HS6ST2: variants seen among roughly 807,000 people sequenced by gnomAD.
HS6ST2 encodes the protein heparan-sulfate 6-O-sulfotransferase 2.
Under a neutral mutation model 33.0 loss-of-function variants are expected in HS6ST2, and 17 were observed. That is an observed-to-expected ratio of 0.52 (90% CI 0.35 to 0.77). The LOEUF is 0.77. Among genes scored for constraint, HS6ST2 ranks in the 30% least tolerant of loss-of-function variants. The pLI is 0.01. For synonymous variants in HS6ST2, 248 were observed against 237.1 expected (o/e 1.05, Z -0.42); for missense variants, 519 against 551.7 (o/e 0.94, Z 0.59).
rs769395426 is a variant in HS6ST2, at chrX:132,715,765, G to A, written c.948-7271C>T. Among the ~76,000 whole-genome samples, 25 of 112,488 alleles carry A rather than the reference G, an allele frequency of 2.2e-4. 1 individual carries two copies. The highest frequency in any genetic ancestry group is 4.5e-4 in the Non-Finnish European group (24 of 53,292). ...CAGAGCAAGGGCTGCAAAAGATGGG[G>A]AAAACAACCATAAAAGACCCCAAGG... On this transcript the variant is annotated intron_variant, in intron 2 of 4. Coordinates refer to ENST00000370833, the MANE Select transcript of HS6ST2 (RefSeq NM_001394073.1).
chrX:132,721,963 C>A (rs1290401018), intron 2 of HS6ST2, among the ~76,000 whole-genome samples: 2 of 110,201 alleles, frequency 1.8e-5, no homozygotes, highest in East Asian at 5.7e-4. Flanking sequence ...CCGAGACGGG[C>A]GGATCACGAG....
At chrX:132,892,228 T>C (rs757092455) in intron 2 of HS6ST2, among the ~76,000 whole-genome samples, 1 of 112,471 alleles carries the variant, frequency 8.9e-6, no homozygotes, top group South Asian at 3.7e-4. Context: ...TTCAACAGTA[T>C]TTTTGTTAAA....
intron 2 of HS6ST2, among the ~76,000 whole-genome samples, chrX:132,786,785 C>G (rs1321946991): frequency 9.2e-6 from 1 of 109,009 alleles, no homozygotes; most frequent in East Asian, 2.9e-4. Flanking sequence ...CCATGCCCAG[C>G]TAATTTTTGT....
chrX:132,708,339 G>C, intron 3 of HS6ST2, 123 bp downstream of exon 3: 1 of 84,584 alleles, frequency 1.2e-5, no homozygotes, highest in Non-Finnish European at 2.2e-5. Context: ...GCCCTGGAAA[G>C]AATTTGTCCA....
intron 3 of HS6ST2, among the ~76,000 whole-genome samples, chrX:132,686,776 TGTG>T (rs1430845091): frequency 2.7e-5 from 3 of 111,901 alleles, no homozygotes; most frequent in Non-Finnish European, 5.6e-5. Context: ...ATAATTAAAA[TGTG>T]GTGATGATTC....
intron 2 of HS6ST2, among the ~76,000 whole-genome samples, chrX:132,811,654 C>G (rs1334851241): frequency 1.6e-5 from 1 of 62,941 alleles, no homozygotes; most frequent in African/African-American, 8.7e-5. Flanking sequence ...CAAGGTGTAG[C>G]TGTGTCAGAA....
intron 2 of HS6ST2, among the ~76,000 whole-genome samples, chrX:132,829,045 T>C (rs1432935449): frequency 9.6e-6 from 1 of 103,664 alleles, no homozygotes; most frequent in East Asian, 2.9e-4. Flanking sequence ...CATGTTAATA[T>C]AATTAACTAC....
At chrX:132,637,961 A>AATATTTTATATATAATATATATAT (rs1569476085) in intron 4 of HS6ST2, among the ~76,000 whole-genome samples, 4 of 62,064 alleles carry the variant, frequency 6.4e-5, no homozygotes, top group East Asian at 1.0e-3. Context: ...AATATATATA[A>AATATTTTATATATAATATATATAT]AATATTTTAT....
intron 2 of HS6ST2, among the ~76,000 whole-genome samples, chrX:132,910,262 C>T (rs2066519881): frequency 8.9e-6 from 1 of 111,837 alleles, no homozygotes; most frequent in Non-Finnish European, 1.9e-5. Flanking sequence ...CAAATCTAAG[C>T]ATCCTATTTT....
intron 3 of HS6ST2, among the ~76,000 whole-genome samples, chrX:132,697,837 G>C (rs969107892): frequency 8.9e-6 from 1 of 111,838 alleles, no homozygotes; most frequent in Non-Finnish European, 1.9e-5. Context: ...CCAGTGCCTG[G>C]CAGAGTAGTT....
chrX:132,896,844 TATA>T (rs2066381250), intron 2 of HS6ST2, among the ~76,000 whole-genome samples: 1 of 112,194 alleles, frequency 8.9e-6, no homozygotes, highest in African/African-American at 3.2e-5. Flanking sequence ...TTGAGCAGGT[TATA>T]ATATGAATAT....
intron 2 of HS6ST2, among the ~76,000 whole-genome samples, chrX:132,728,051 G>A (rs770013769): frequency 8.9e-6 from 1 of 111,858 alleles, no homozygotes; most frequent in Non-Finnish European, 1.9e-5. Flanking sequence ...CCACTGATGG[G>A]CATTGGGGTT....
chrX:132,767,363 C>T (rs904413340), intron 2 of HS6ST2, among the ~76,000 whole-genome samples: 1 of 111,690 alleles, frequency 9.0e-6, no homozygotes, highest in Admixed American at 9.5e-5. Flanking sequence ...GGACTACAGG[C>T]GCACATCACC....
chrX:132,788,291 A>G (rs1223202638), intron 2 of HS6ST2, among the ~76,000 whole-genome samples: 1 of 111,654 alleles, frequency 9.0e-6, no homozygotes, highest in African/African-American at 3.3e-5. Flanking sequence ...TTTCATTATT[A>G]CTATATCTGT....
chrX:132,783,682 T>C, intron 2 of HS6ST2, among the ~76,000 whole-genome samples: 1 of 111,000 alleles, frequency 9.0e-6, no homozygotes, highest in East Asian at 2.8e-4. Context: ...AGTCTGGAAT[T>C]GCTGCACTCT....
intron 2 of HS6ST2, among the ~76,000 whole-genome samples, chrX:132,919,285 A>C (rs1022427878): frequency 8.9e-6 from 1 of 112,346 alleles, no homozygotes; most frequent in Non-Finnish European, 1.9e-5. Flanking sequence ...AGAAAATAAA[A>C]GATGAGATGC....
At chrX:132,732,127 A>G (rs896740190) in intron 2 of HS6ST2, among the ~76,000 whole-genome samples, 2 of 112,207 alleles carry the variant, frequency 1.8e-5, no homozygotes, top group African/African-American at 3.2e-5. Context: ...GCCTTTACGT[A>G]TAATTAAATA....
At chrX:132,671,810 G>A (rs1047458533) in intron 3 of HS6ST2, among the ~76,000 whole-genome samples, 3 of 111,644 alleles carry the variant, frequency 2.7e-5, no homozygotes, top group African/African-American at 9.8e-5. Context: ...AATTAATCAA[G>A]TAACTGGAAA....
intron 2 of HS6ST2, among the ~76,000 whole-genome samples, chrX:132,913,291 C>T (rs898272976): frequency 2.7e-5 from 3 of 112,369 alleles, no homozygotes; most frequent in Non-Finnish European, 3.8e-5. Context: ...CAGGAAGCAG[C>T]AGCAGGGCCA....
Sources: gnomAD v4.1 joint callset for allele counts (sites outside exome capture counted in the v4.1 genomes callset) on GRCh38, gnomAD v4.1.1 for gene constraint, MANE v1.5 for transcripts, NCBI Gene and HGNC (gene_info 2026-07-23, HGNC 2026-07-21) for gene names.